NUAK1: variants seen among roughly 807,000 people sequenced by gnomAD.
NUAK1 encodes the protein NUAK family SNF1-like kinase 1.
Under a neutral mutation model 56.9 loss-of-function variants are expected in NUAK1, and 26 were observed. The ratio of observed to expected loss-of-function variants is 0.46; its 90% CI spans 0.33 to 0.63. The LOEUF is 0.63. NUAK1 is among the 30% of genes least tolerant of loss of function. The pLI is 0.02. For synonymous variants in NUAK1, 337 were observed against 336.0 expected, an observed-to-expected ratio of 1.00 and a Z score of -0.03; for missense variants, 727 against 876.1, an observed-to-expected ratio of 0.83 and a Z score of 2.15.
intron 5 of NUAK1, among the ~76,000 whole-genome samples, chr12:106,072,203 T>C (rs1250704606): frequency 1.3e-5 from 2 of 152,260 alleles, no homozygotes; most frequent in African/African-American, 4.8e-5. Context: ...TTTTGTTTGT[T>C]TGTTTTGTCT....
Position 106,138,683 on chromosome 12 carries a change from A to G in NUAK1, c.-30T>C, listed in dbSNP as rs1332938294. On this transcript the variant is annotated 5_prime_UTR_variant, in exon 1 of 7. Transcript: ENST00000261402. The surrounding 1 kb of genome is among the most constrained non-coding windows in gnomAD (Gnocchi z 5.0). ...AAGCGCGGGGCGAGCCGGGCTACAGAGGGCAAGACCGGGCACAGCGCTGGG... is the reference window on the plus strand; with the variant it reads ...AAGCGCGGGGCGAGCCGGGCTACAGGGGGCAAGACCGGGCACAGCGCTGGG... 6.8e-7 allele frequency: 1 copy of G among 1,480,184 alleles called. No individual in the cohort carries two copies. The highest frequency in any genetic ancestry group is 2.4e-5 in the East Asian group (1 of 41,294). The allele number at this position is 1,480,184 out of a possible 1,614,324, so 91.7% of individuals were successfully genotyped here.
chr12:106,121,131 G>C (rs1201683780), intron 1 of NUAK1, among the ~76,000 whole-genome samples: 1 of 152,208 alleles, frequency 6.6e-6, no homozygotes, highest in Non-Finnish European at 1.5e-5. Context: ...AGAACCCACA[G>C]CGGGGTCAGG....
intron 2 of NUAK1, among the ~76,000 whole-genome samples, chr12:106,093,490 C>T (rs879897849): frequency 6.6e-6 from 1 of 152,166 alleles, no homozygotes; most frequent in East Asian, 1.9e-4. Context: ...GGCTAATGAC[C>T]CAGCTCCCAG....
chr12:106,085,852 G>A (rs990945045), intron 3 of NUAK1, among the ~76,000 whole-genome samples: 1 of 152,008 alleles, frequency 6.6e-6, no homozygotes, highest in Non-Finnish European at 1.5e-5. Context: ...GACTACAGGT[G>A]CGCAACCTCA....
chr12:106,122,790 C>T (rs2032991210), intron 1 of NUAK1, among the ~76,000 whole-genome samples: 1 of 152,174 alleles, frequency 6.6e-6, no homozygotes, highest in African/African-American at 2.4e-5. Context: ...CACTCCAACC[C>T]TGTTGAATCA....
chr12:106,137,887 C>T (rs1200729374), intron 1 of NUAK1, among the ~76,000 whole-genome samples: 1 of 152,232 alleles, frequency 6.6e-6, no homozygotes, highest in Non-Finnish European at 1.5e-5. Flanking sequence ...GTCGCCCTCC[C>T]TTGCAGTCAC....
Position 106,067,243 on chromosome 12 carries a change from G to A in NUAK1, c.1545C>T (p.His515=). The A allele has an allele frequency of 4.3e-6, 7 of 1,614,098 alleles. No individual in the cohort carries two copies. Among genetic ancestry groups the A allele is most frequent in the South Asian group, 1.1e-5 (1 of 91,082 alleles). ...SPPDPARVTS[H]SLSCRRKGIL... is the part of the protein sequence containing the mutation. The stretch of plus-strand genomic sequence containing the variant: ...TGCCCTTCCTCCGGCAGGAGAGGCT[G>A]TGGGAGGTTACCCTGGCTGGGTCCG... The change falls in exon 7 of 7, where the codon CAC becomes CAT. Residue 515 remains histidine (H), a synonymous_variant. Transcript: ENST00000261402. This position sits in a 1 kb window ranked among gnomAD's most constrained non-coding sequence, Gnocchi z 6.0.
chr12:106,109,083 G>A (rs2032833070), intron 1 of NUAK1, among the ~76,000 whole-genome samples: 1 of 152,206 alleles, frequency 6.6e-6, no homozygotes, highest in Non-Finnish European at 1.5e-5. Flanking sequence ...TCAAAGGGGT[G>A]ACAGGAAGTC....
At chr12:106,130,634 C>T (rs550947245) in intron 1 of NUAK1, among the ~76,000 whole-genome samples, 2 of 152,342 alleles carry the variant, frequency 1.3e-5, no homozygotes, top group South Asian at 4.1e-4. Context: ...CATACATGCA[C>T]AAGGCACCAG....
intron 1 of NUAK1, among the ~76,000 whole-genome samples, chr12:106,119,043 G>C (rs2136478419): frequency 6.6e-6 from 1 of 152,304 alleles, no homozygotes; most frequent in East Asian, 1.9e-4. Flanking sequence ...TGTTCCAACA[G>C]AGACTGGGTC....
In NUAK1 at chr12:106,070,926, C is replaced by A. The variant is rs763608369; in HGVS notation, c.700-20G>T. On this transcript the variant is annotated intron_variant, in intron 5 of 6. Coordinates refer to ENST00000261402, the MANE Select transcript of NUAK1 (RefSeq NM_014840.3). ...GTCCACCTGGAGCAGAGAGACAGCA[C>A]ATATAGGAGAGCTGGGAAACAGATC... The A allele has an allele frequency of 6.2e-7, 1 of 1,613,714 alleles. No individual in the cohort carries two copies. Among genetic ancestry groups the A allele is most frequent in the Non-Finnish European group, 8.5e-7 (1 of 1,179,742 alleles).
intron 4 of NUAK1, among the ~76,000 whole-genome samples, chr12:106,083,330 C>T (rs989710273): frequency 9.2e-5 from 14 of 152,108 alleles, no homozygotes; most frequent in Admixed American, 5.9e-4. Flanking sequence ...TCAAGCAAAG[C>T]GACTTGAATT....
At chr12:106,102,819 T>A (rs1185522990) in intron 2 of NUAK1, among the ~76,000 whole-genome samples, 3 of 152,206 alleles carry the variant, frequency 2.0e-5, no homozygotes, top group African/African-American at 4.8e-5. Flanking sequence ...AGTGGAGGAC[T>A]GGAGGCTGAA....
chr12:106,111,531 T>A (rs891891587), intron 1 of NUAK1, among the ~76,000 whole-genome samples: 1 of 152,100 alleles, frequency 6.6e-6, no homozygotes, highest in Non-Finnish European at 1.5e-5. Context: ...TTCATTGATA[T>A]AAGCTGGACT....
chr12:106,066,102 C>G lies in NUAK1; in HGVS notation c.*700G>C, dbSNP rs2032334498. On this transcript the variant is annotated 3_prime_UTR_variant, in exon 7 of 7. Coordinates refer to ENST00000261402, the MANE Select transcript of NUAK1 (RefSeq NM_014840.3). The stretch of plus-strand genomic sequence containing the variant: ...AGTAGCAAATTAACAAATGCCTCAC[C>G]AGTGGCATGAAAGAGTTAACATAGA... The G allele has an allele frequency of 6.6e-6, 1 of 152,278 alleles. No individual in the cohort carries two copies. The highest frequency in any genetic ancestry group is 2.1e-4 in the South Asian group (1 of 4,826). 9.4% of individuals were successfully genotyped at this position (152,278 alleles called of 1,614,324 possible).
At chr12:106,073,503 A>C (rs115255820) in intron 4 of NUAK1, among the ~76,000 whole-genome samples, 4,713 of 152,286 alleles carry the variant, frequency 0.031, 86 homozygotes, top group African/African-American at 0.037. Context: ...AGAAAATGGG[A>C]ATCCATGATC....
chr12:106,085,928 A>T (rs1164716330), intron 3 of NUAK1, among the ~76,000 whole-genome samples: 1 of 152,064 alleles, frequency 6.6e-6, no homozygotes, highest in Non-Finnish European at 1.5e-5. Context: ...GCTGGTCTTG[A>T]ACTCCTGGGC....
At chr12:106,078,101 C>T (rs1200675878) in intron 4 of NUAK1, among the ~76,000 whole-genome samples, 1 of 152,222 alleles carries the variant, frequency 6.6e-6, no homozygotes, top group Non-Finnish European at 1.5e-5. Context: ...TGTGGTGGCT[C>T]ATGCCTGCAA....
chr12:106,089,360 C>A (rs1206391886), intron 2 of NUAK1, among the ~76,000 whole-genome samples: 5 of 152,234 alleles, frequency 3.3e-5, no homozygotes, highest in African/African-American at 1.2e-4. Context: ...GTTTCAGTGG[C>A]TGGATTCTTC....
Sources: allele counts gnomAD v4.1 joint callset (sites outside exome capture counted in the v4.1 genomes callset), GRCh38; gene constraint gnomAD v4.1.1; non-coding constraint Gnocchi (gnomAD v3.1); transcripts MANE v1.5; gene names NCBI Gene and HGNC (gene_info 2026-07-23, HGNC 2026-07-21).